FAM91A1: variants seen among roughly 807,000 people sequenced by gnomAD.
FAM91A1 encodes the protein family with sequence similarity 91 member A1.
In FAM91A1, 41 loss-of-function variants were observed where a neutral mutation model predicts 113.5. The ratio of observed to expected loss-of-function variants is 0.36; its 90% confidence interval spans 0.28 to 0.47. The LOEUF (loss-of-function observed/expected upper bound fraction) is 0.47. FAM91A1 is among the 20% of genes least tolerant of loss of function. The probability of loss-of-function intolerance (pLI) is 1.00; values close to 1 mark genes in which losing one functional copy is unlikely to be tolerated. For missense variants in FAM91A1, 696 were observed against 1,001.2 expected, an observed-to-expected ratio of 0.70 and a Z score of 4.11; for synonymous variants, 307 against 347.9, an observed-to-expected ratio of 0.88 and a Z score of 1.31.
intron 8 of FAM91A1, among the ~76,000 whole-genome samples, chr8:123,783,139 G>C (rs1815164673): frequency 6.6e-6 from 1 of 152,078 alleles, no homozygotes; most frequent in South Asian, 2.1e-4. Context: ...TCCCCACCCT[G>C]CATTCCAGCC....
intron 4 of FAM91A1, among the ~76,000 whole-genome samples, chr8:123,777,560 A>G (rs1815016752): frequency 6.6e-6 from 1 of 152,230 alleles, no homozygotes; most frequent in Non-Finnish European, 1.5e-5. Flanking sequence ...AGACTAATCT[A>G]TATATTTCCA....
chr8:123,800,282 A>G (rs965872307), intron 18 of FAM91A1, among the ~76,000 whole-genome samples: 18 of 151,936 alleles, frequency 1.2e-4, no homozygotes, highest in African/African-American at 4.4e-4. Flanking sequence ...ATATATATAA[A>G]TACCTGGGAT....
At chr8:123,806,772 G>C (rs754865157) in intron 20 of FAM91A1, among the ~76,000 whole-genome samples, 4 of 151,802 alleles carry the variant, frequency 2.6e-5, no homozygotes, top group African/African-American at 7.3e-5. Context: ...TTCTTGTCTG[G>C]GTCTTGAACT....
intron 14 of FAM91A1, 122 bp from the exon 15 acceptor site, chr8:123,789,491 G>C: frequency 1.4e-6 from 2 of 1,439,206 alleles, no homozygotes; most frequent in East Asian, 4.9e-5. Context: ...TTTCGGTATT[G>C]CCTGGGCAAA....
intron 2 of FAM91A1, 140 bp downstream of exon 2, chr8:123,774,304 C>T (rs1381536486): frequency 5.6e-6 from 3 of 535,104 alleles, no homozygotes; most frequent in South Asian, 8.2e-5. Flanking sequence ...TGATCCATTC[C>T]ACCTAACAAC....
intron 15 of FAM91A1, among the ~76,000 whole-genome samples, chr8:123,795,845 A>G (rs1815505285): frequency 6.6e-6 from 1 of 152,224 alleles, no homozygotes; most frequent in South Asian, 2.1e-4. Flanking sequence ...GTGCAAATGT[A>G]GTCAGGTTTC....
Position 123,787,353 on chromosome 8 carries a change from A to G in FAM91A1, c.1171A>G (p.Met391Val), listed in dbSNP as rs371893529. 7 of 1,611,554 alleles carry G rather than the reference A, an allele frequency of 4.3e-6. No homozygotes were observed. Among genetic ancestry groups the G allele is most frequent in the Non-Finnish European group, 5.1e-6 (6 of 1,179,428 alleles). The part of the protein sequence containing the change: ...LFDSTLTAFL[M>V]MGNLSPNLKS... ...TGACTCCACTCTTACTGCCTTCTTA[A>G]TGATGGGAAATCTTTCACCAGTAAG... The change falls in exon 13 of 24, where the codon ATG becomes GTG. Residue 391 changes from methionine (M) to valine (V), a missense_variant. Physicochemically the swap from Met to Val is conservative, Grantham distance 21 (BLOSUM62 1). Coordinates refer to ENST00000334705, the MANE Select transcript of FAM91A1 (RefSeq NM_144963.4).
chr8:123,806,699 A>G (rs1277892306), intron 20 of FAM91A1, among the ~76,000 whole-genome samples: 1 of 152,084 alleles, frequency 6.6e-6, no homozygotes, highest in Non-Finnish European at 1.5e-5. Flanking sequence ...ATTAGGCTTT[A>G]GATAAGTCTC....
intron 14 of FAM91A1, 32 bp downstream of exon 14, chr8:123,787,782 G>C (rs373197649): frequency 1.9e-6 from 3 of 1,550,276 alleles, no homozygotes; most frequent in Non-Finnish European, 2.6e-6. Flanking sequence ...GGGGATGTTA[G>C]GGCATTTGGA....
At chr8:123,801,479 G>A (rs915448040) in intron 18 of FAM91A1, among the ~76,000 whole-genome samples, 3 of 152,332 alleles carry the variant, frequency 2.0e-5, no homozygotes, top group East Asian at 1.9e-4. Context: ...TAGGTTCTCC[G>A]TAAAGATTTC....
At chr8:123,811,819 G>GAGT (rs1815962346) in intron 23 of FAM91A1, among the ~76,000 whole-genome samples, 1 of 152,106 alleles carries the variant, frequency 6.6e-6, no homozygotes, top group South Asian at 2.1e-4. Context: ...GAGAAGCGTG[G>GAGT]AGTAGGTGGA....
At chr8:123,796,005 T>A (rs1378880609) in intron 15 of FAM91A1, among the ~76,000 whole-genome samples, 1 of 152,196 alleles carries the variant, frequency 6.6e-6, no homozygotes, top group Non-Finnish European at 1.5e-5. Context: ...TTCCCTGAAG[T>A]CAGGAAGTAC....
chr8:123,803,063 T>G (rs1460038915), intron 18 of FAM91A1, among the ~76,000 whole-genome samples: 1 of 152,144 alleles, frequency 6.6e-6, no homozygotes, highest in Non-Finnish European at 1.5e-5. Context: ...ATTCCAGCAC[T>G]TTGGAAGGCT....
At chr8:123,774,293 C>A in intron 2 of FAM91A1, 129 bp downstream of exon 2, 1 of 600,138 alleles carries the variant, frequency 1.7e-6, no homozygotes. Flanking sequence ...AAACTCTACA[C>A]TGATCCATTC....
At chr8:123,789,046 C>A (rs1023133552) in intron 14 of FAM91A1, among the ~76,000 whole-genome samples, 3 of 152,152 alleles carry the variant, frequency 2.0e-5, no homozygotes, top group African/African-American at 7.2e-5. Context: ...GAAGAGCATA[C>A]ATTAAACTAT....
At chr8:123,781,677 G>T (rs1054682259) in intron 8 of FAM91A1, among the ~76,000 whole-genome samples, 13 of 152,062 alleles carry the variant, frequency 8.5e-5, no homozygotes, top group South Asian at 6.2e-4. Context: ...TAGAGACAGG[G>T]TTTCACCATT....
At chr8:123,794,312 A>G (rs1815454696) in intron 15 of FAM91A1, among the ~76,000 whole-genome samples, 1 of 152,250 alleles carries the variant, frequency 6.6e-6, no homozygotes, top group Admixed American at 6.5e-5. Context: ...TCATGTATGC[A>G]TAAAATATAT....
Position 123,799,788 on chromosome 8 carries a change from T to A in FAM91A1, c.1712T>A (p.Leu571Gln), listed in dbSNP as rs1423947898. The A allele has an allele frequency of 1.9e-6, 3 of 1,608,886 alleles. No homozygotes were observed. Among genetic ancestry groups the A allele is most frequent in the East Asian group, 4.5e-5 (2 of 44,776 alleles). Residue 571 changes from leucine to glutamine, a missense_variant, in exon 18 of 24, where the codon CTA (leucine) becomes CAA (glutamine). Leu to Gln is a moderately radical substitution (Grantham distance 113). Coordinates refer to ENST00000334705, the MANE Select transcript of FAM91A1 (RefSeq NM_144963.4). Reference sequence around the variant, plus strand: ...TTTCAATAGAGTTATGATCGATTGCTAATAACATCTTGGGGTCATGATCCT... The same window carrying A: ...TTTCAATAGAGTTATGATCGATTGCAAATAACATCTTGGGGTCATGATCCT... ...PDIFQSYDRL[L>Q]ITSWGHDPGV...
intron 15 of FAM91A1, among the ~76,000 whole-genome samples, chr8:123,796,647 C>T (rs535812334): frequency 7.3e-5 from 11 of 151,136 alleles, no homozygotes; most frequent in Non-Finnish European, 1.5e-4. Context: ...TTAGTAGAGA[C>T]GGGGTTTCGC....
Sources: allele counts gnomAD v4.1 joint callset (sites outside exome capture counted in the v4.1 genomes callset), GRCh38; gene constraint gnomAD v4.1.1; transcripts MANE v1.5; gene names NCBI Gene and HGNC (gene_info 2026-07-23, HGNC 2026-07-21).